The following B3GALT1 variants were observed in gnomAD, a reference collection of about 807,000 sequenced individuals.
B3GALT1 encodes the protein UDP-Gal:betaGlcNAc beta 1,3-galactosyltransferase, polypeptide 1.
B3GALT1 carries 10 observed loss-of-function variants against 23.2 expected under a neutral mutation model. The ratio of observed to expected loss-of-function variants is 0.43; its 90% confidence interval spans 0.27 to 0.73. The LOEUF is 0.73. Among genes scored for constraint, B3GALT1 ranks in the 30% least tolerant of loss-of-function variants. B3GALT1 has a pLI of 0.21. For missense variants in B3GALT1, 299 were observed against 405.4 expected, an observed-to-expected ratio of 0.74 and a Z score of 2.25; for synonymous variants, 156 against 141.5, an observed-to-expected ratio of 1.10 and a Z score of -0.73.
intron 3 of B3GALT1, among the ~76,000 whole-genome samples, chr2:167,674,642 A>C (rs936501371): frequency 2.0e-5 from 3 of 152,228 alleles, no homozygotes; most frequent in African/African-American, 7.2e-5. Context: ...TGTTTTGGAC[A>C]TATGTAAATG....
intron 2 of B3GALT1, among the ~76,000 whole-genome samples, chr2:167,506,965 C>T (rs1699926810): frequency 6.6e-6 from 1 of 152,084 alleles, no homozygotes; most frequent in Non-Finnish European, 1.5e-5. Flanking sequence ...GCCTTACATA[C>T]CCTGCTATCA....
At chr2:167,859,787 A>AT (rs1433505055) in intron 4 of B3GALT1, among the ~76,000 whole-genome samples, 12 of 152,176 alleles carry the variant, frequency 7.9e-5, no homozygotes, top group African/African-American at 2.9e-4. Context: ...AAAGGAACAA[A>AT]TTAGCTCTTT....
intron 3 of B3GALT1, among the ~76,000 whole-genome samples, chr2:167,696,296 CAAAAAAAAAAAA>C (rs35575073): frequency 1.1e-5 from 1 of 91,838 alleles, no homozygotes; most frequent in Non-Finnish European, 2.0e-5. Context: ...TGGTAAGAGG[CAAAAAAAAAAAA>C]AAAAAAAAAA....
At chr2:167,575,269 C>T (rs1201361868) in intron 2 of B3GALT1, among the ~76,000 whole-genome samples, 1 of 151,778 alleles carries the variant, frequency 6.6e-6, no homozygotes, top group East Asian at 1.9e-4. Flanking sequence ...ACTGACTTTA[C>T]AGTCTGGGCT....
chr2:167,595,314 T>C (rs998437321), intron 2 of B3GALT1, among the ~76,000 whole-genome samples: 2 of 152,216 alleles, frequency 1.3e-5, no homozygotes, highest in African/African-American at 4.8e-5. Flanking sequence ...TCGTTTTGAC[T>C]GTCTGCTCTG....
chr2:167,608,586 T>C (rs1412217770), intron 2 of B3GALT1, among the ~76,000 whole-genome samples: 2 of 152,194 alleles, frequency 1.3e-5, no homozygotes, highest in African/African-American at 4.8e-5. Context: ...TTAACACTTA[T>C]TCTGAATTTA....
intron 1 of B3GALT1, among the ~76,000 whole-genome samples, chr2:167,456,648 T>C (rs1468736333): frequency 1.3e-5 from 2 of 152,198 alleles, no homozygotes; most frequent in Admixed American, 1.3e-4. Context: ...TCAGGTTTGA[T>C]AATTTTCTAG....
chr2:167,563,224 A>G (rs79077107), intron 2 of B3GALT1, among the ~76,000 whole-genome samples: 68,808 of 135,628 alleles, frequency 0.51, 20,519 homozygotes, highest in East Asian at 0.98. Flanking sequence ...CAGCAGGTGC[A>G]GCCGGGCAGA....
chr2:167,668,362 G>T (rs1036755064), intron 3 of B3GALT1, among the ~76,000 whole-genome samples: 2 of 152,194 alleles, frequency 1.3e-5, no homozygotes, highest in African/African-American at 4.8e-5. Flanking sequence ...AAAGCTGTCA[G>T]ACAGGGACAT....
chr2:167,319,404 A>G (rs1696770121), intron 1 of B3GALT1, among the ~76,000 whole-genome samples: 1 of 152,144 alleles, frequency 6.6e-6, no homozygotes, highest in Non-Finnish European at 1.5e-5. Flanking sequence ...TGAAGATAAT[A>G]ATCATGCACA....
At chr2:167,578,387 C>T (rs1221203006) in intron 2 of B3GALT1, among the ~76,000 whole-genome samples, 1 of 152,016 alleles carries the variant, frequency 6.6e-6, no homozygotes, top group Non-Finnish European at 1.5e-5. Flanking sequence ...CCCAGACCCA[C>T]ACTGTCTTCA....
chr2:167,772,881 C>A (rs1327667535), intron 3 of B3GALT1, among the ~76,000 whole-genome samples: 1 of 152,146 alleles, frequency 6.6e-6, no homozygotes, highest in African/African-American at 2.4e-5. Flanking sequence ...TCCTAATTTA[C>A]TAAGTGCAGA....
chr2:167,592,545 C>A (rs901065930), intron 2 of B3GALT1, among the ~76,000 whole-genome samples: 1 of 152,194 alleles, frequency 6.6e-6, no homozygotes, highest in African/African-American at 2.4e-5. Flanking sequence ...TTGTTTAATG[C>A]TCTTTCTATC....
chr2:167,379,606 A>T (rs182253454), intron 1 of B3GALT1, among the ~76,000 whole-genome samples: 162 of 152,266 alleles, frequency 1.1e-3, no homozygotes, highest in African/African-American at 3.8e-3. Context: ...GGCTACAGGC[A>T]ATGTGGCTGG....
At chr2:167,406,301 T>C (rs1698274492) in intron 1 of B3GALT1, among the ~76,000 whole-genome samples, 2 of 152,226 alleles carry the variant, frequency 1.3e-5, no homozygotes, top group South Asian at 4.1e-4. Context: ...AAAATGGCAG[T>C]ATAGAAGCAA....
intron 2 of B3GALT1, among the ~76,000 whole-genome samples, chr2:167,550,899 A>G (rs75932515): frequency 0.021 from 3,141 of 152,268 alleles, 154 homozygotes; most frequent in East Asian, 0.18. Context: ...ACACCGTCTC[A>G]CTTATGTTAC....
intron 1 of B3GALT1, among the ~76,000 whole-genome samples, chr2:167,467,355 A>G (rs913951889): frequency 7.2e-5 from 11 of 152,328 alleles, no homozygotes; most frequent in African/African-American, 2.6e-4. Context: ...TTAACTCAAA[A>G]ATAGATTTTT....
At chr2:167,509,644 A>C (rs1040780004) in intron 2 of B3GALT1, among the ~76,000 whole-genome samples, 1 of 152,206 alleles carries the variant, frequency 6.6e-6, no homozygotes, top group African/African-American at 2.4e-5. Flanking sequence ...TAAAAGCATT[A>C]GGAGGTACAA....
chr2:167,393,943 C>T (rs1034961894), intron 1 of B3GALT1, among the ~76,000 whole-genome samples: 1 of 152,214 alleles, frequency 6.6e-6, no homozygotes, highest in African/African-American at 2.4e-5. Context: ...ATGTATTACT[C>T]TGCATACATC....
Sources: gnomAD v4.1 joint callset for allele counts (sites outside exome capture counted in the v4.1 genomes callset) on GRCh38, gnomAD v4.1.1 for gene constraint, MANE v1.5 for transcripts, NCBI Gene and HGNC (gene_info 2026-07-23, HGNC 2026-07-21) for gene names.